The following ZPBP variants were observed in gnomAD, a reference collection of about 807,000 sequenced individuals.
The protein encoded by ZPBP is zona pellucida binding protein, also known as zona pellucida-binding protein 1.
A neutral mutation model predicts 44.8 loss-of-function variants in ZPBP; 26 were observed. That is an observed-to-expected ratio of 0.58 (90% confidence interval 0.43 to 0.81). The LOEUF is 0.81. Ranked by LOEUF, ZPBP falls within the 30% of genes least tolerant of loss-of-function variation. The probability of loss-of-function intolerance (pLI) is 0.00; values close to 1 mark genes in which losing one functional copy is unlikely to be tolerated. For missense variants in ZPBP, 409 were observed against 434.0 expected, an observed-to-expected ratio of 0.94 and a Z score of 0.51; for synonymous variants, 174 against 153.2, an observed-to-expected ratio of 1.14 and a Z score of -1.00.
At chr7:50,067,304 T>C (rs1433970770) in intron 3 of ZPBP, among the ~76,000 whole-genome samples, 1 of 152,020 alleles carries the variant, frequency 6.6e-6, no homozygotes, top group African/African-American at 2.4e-5. Context: ...GTAGAATTTC[T>C]TCCTTGTACT....
At chr7:49,918,435 T>C (rs1793837542) in intron 1 of ZPBP, 1 of 152,342 alleles carries the variant, frequency 6.6e-6, no homozygotes, top group African/African-American at 2.4e-5. Flanking sequence ...ATCTTGATAC[T>C]TGTCAAAGTA....
chr7:49,867,052 C>T (rs949898322), intron 2 of ZPBP, among the ~76,000 whole-genome samples: 5 of 152,174 alleles, frequency 3.3e-5, no homozygotes, highest in Non-Finnish European at 5.9e-5. Context: ...GTAACCATCT[C>T]GTTAGAGAGA....
intron 5 of ZPBP, among the ~76,000 whole-genome samples, chr7:50,026,941 CTT>C (rs1799364079): frequency 6.6e-6 from 1 of 152,092 alleles, no homozygotes; most frequent in African/African-American, 2.4e-5. Flanking sequence ...CACACAAATT[CTT>C]TGTGTTTTAT....
chr7:49,959,795 TTAAAA>T (rs1200447745), intron 7 of ZPBP, among the ~76,000 whole-genome samples: 2 of 152,098 alleles, frequency 1.3e-5, no homozygotes, highest in African/African-American at 2.4e-5. Context: ...AAAGCAATCT[TTAAAA>T]TAAAAACAAA....
chr7:50,042,406 A>G (rs1450544867), intron 4 of ZPBP, among the ~76,000 whole-genome samples: 1 of 152,194 alleles, frequency 6.6e-6, no homozygotes, highest in Non-Finnish European at 1.5e-5. Context: ...GAAGGAAAAA[A>G]TGTTAAGGGC....
intron 7 of ZPBP, among the ~76,000 whole-genome samples, chr7:49,958,492 A>G (rs1042596934): frequency 6.6e-6 from 1 of 152,158 alleles, no homozygotes; most frequent in Non-Finnish European, 1.5e-5. Context: ...ATTAATGCCA[A>G]TTATAGAATG....
intron 7 of ZPBP, among the ~76,000 whole-genome samples, chr7:49,972,505 G>A (rs1383721262): frequency 2.6e-5 from 4 of 151,924 alleles, no homozygotes; most frequent in Non-Finnish European, 5.9e-5. Flanking sequence ...AAGAATACAA[G>A]GCTTAGGAAT....
chr7:50,044,388 T>C (rs1394323105), intron 4 of ZPBP, among the ~76,000 whole-genome samples: 1 of 152,036 alleles, frequency 6.6e-6, no homozygotes, highest in African/African-American at 2.4e-5. Context: ...GCTGGTTTTT[T>C]GAAAAGATTA....
intron 6 of ZPBP, among the ~76,000 whole-genome samples, chr7:49,999,301 T>A (rs1434982376): frequency 6.6e-6 from 1 of 151,152 alleles, no homozygotes; most frequent in African/African-American, 2.4e-5. Flanking sequence ...ATCATATGTA[T>A]ATAATGTGGT....
intron 2 of ZPBP, among the ~76,000 whole-genome samples, chr7:49,900,470 A>C (rs1385345216): frequency 6.6e-6 from 1 of 151,774 alleles, no homozygotes; most frequent in Non-Finnish European, 1.5e-5. Flanking sequence ...AACAAAAGAG[A>C]GGACATCATT....
chr7:49,898,604 C>A (rs58885258), intron 2 of ZPBP, among the ~76,000 whole-genome samples: 1,898 of 151,936 alleles, frequency 0.012, 46 homozygotes, highest in African/African-American at 0.043. Context: ...CATAAGCATA[C>A]ACACACACAT....
At chr7:49,857,484 A>G (rs1790473986) in intron 2 of ZPBP, among the ~76,000 whole-genome samples, 4 of 152,224 alleles carry the variant, frequency 2.6e-5, no homozygotes, top group Admixed American at 2.0e-4. Flanking sequence ...TAGTGCTGCA[A>G]TTAACATGGG....
In ZPBP at chr7:50,065,515, G is replaced by A. The variant is rs567770758; in HGVS notation, c.335-7374C>T. 5.3e-5 allele frequency among the ~76,000 whole-genome samples: 8 copies of A among 151,070 alleles called. 1 individual carries two copies. In the South Asian group the frequency reaches 1.0e-3, roughly 20 times the overall value. ...CTGTGAAAGCCTTTTCTTATCAGGC[G>A]ATACAGTACTTTTCAATTATGGAGG... On this transcript the variant is annotated intron_variant, in intron 3 of 7. Coordinates refer to ENST00000046087, the MANE Select transcript of ZPBP (RefSeq NM_007009.3).
intron 2 of ZPBP, among the ~76,000 whole-genome samples, chr7:49,859,642 G>A (rs1054113862): frequency 3.9e-5 from 6 of 152,224 alleles, no homozygotes; most frequent in African/African-American, 7.2e-5. Flanking sequence ...TATTGCATGC[G>A]AATACTGTGC....
intron 6 of ZPBP, among the ~76,000 whole-genome samples, chr7:50,015,243 G>A (rs1024501826): frequency 6.6e-6 from 1 of 151,964 alleles, no homozygotes; most frequent in Non-Finnish European, 1.5e-5. Context: ...GATATTTGGG[G>A]GAGGAAAAGG....
At chr7:49,989,020 A>G (rs1797443778) in intron 6 of ZPBP, among the ~76,000 whole-genome samples, 1 of 152,174 alleles carries the variant, frequency 6.6e-6, no homozygotes, top group Admixed American at 6.6e-5. Flanking sequence ...CTCTCTGTGC[A>G]TGGCTTCTTC....
At chr7:49,896,876 TGATA>T (rs1475105120) in intron 2 of ZPBP, among the ~76,000 whole-genome samples, 1 of 143,166 alleles carries the variant, frequency 7.0e-6, no homozygotes, top group Non-Finnish European at 1.5e-5. Context: ...AAAATTGGAT[TGATA>T]ATTTTTTTTT....
chr7:49,885,010 G>A (rs2128728390), intron 2 of ZPBP, among the ~76,000 whole-genome samples: 1 of 152,172 alleles, frequency 6.6e-6, no homozygotes, highest in Admixed American at 6.5e-5. Flanking sequence ...GGATATAAGT[G>A]TTGTATGGCT....
intron 6 of ZPBP, among the ~76,000 whole-genome samples, chr7:50,009,764 A>G (rs1449290864): frequency 1.3e-5 from 2 of 152,248 alleles, no homozygotes; most frequent in East Asian, 3.9e-4. Flanking sequence ...AAAATGAAAA[A>G]AGTCTAGAAT....
Sources: gnomAD v4.1 joint callset for allele counts (sites outside exome capture counted in the v4.1 genomes callset) on GRCh38, gnomAD v4.1.1 for gene constraint, MANE v1.5 for transcripts, NCBI Gene and HGNC (gene_info 2026-07-23, HGNC 2026-07-21) for gene names.